The following GRIN1 variants were observed in gnomAD, a reference collection of about 807,000 sequenced individuals.
GRIN1 encodes glutamate ionotropic receptor NMDA type subunit 1.
Under a neutral mutation model 103.0 loss-of-function variants are expected in GRIN1, and 38 were observed. That is an observed-to-expected ratio of 0.37 (90% CI 0.28 to 0.48). The LOEUF is 0.48. GRIN1 is among the 20% of genes least tolerant of loss of function. The pLI is 0.98. For synonymous variants in GRIN1, 544 were observed against 532.7 expected, an observed-to-expected ratio of 1.02 and a Z score of -0.29; for missense variants, 577 against 1,288.9, an observed-to-expected ratio of 0.45 and a Z score of 8.46.
intron 1 of GRIN1, among the ~76,000 whole-genome samples, chr9:137,141,670 T>C (rs1317355894): frequency 1.3e-5 from 2 of 152,124 alleles, no homozygotes; most frequent in Non-Finnish European, 2.9e-5. Context: ...AAGGCCATCA[T>C]GATGCAGGAC....
Position 137,163,018 on chromosome 9 carries a change from G to T in GRIN1, c.2171+15G>T. 6.4e-7 allele frequency: 1 copy of T among 1,574,004 alleles called. No homozygotes were observed. The highest frequency in any genetic ancestry group is 8.6e-7 in the Non-Finnish European group (1 of 1,161,570). On this transcript the variant is annotated intron_variant, in intron 15 of 19. Transcript: ENST00000371561. ...GTGAGAGACAAGTGAGGCGCGGGCG[G>T]CCACCCTGGCGGGGCGGGACAGGTG... is the stretch of plus-strand genomic sequence containing the variant.
Position 137,168,408 on chromosome 9 carries a change from C to G in GRIN1, c.*881C>G. The G allele has an allele frequency of 5.1e-6, 1 of 195,228 alleles. No individual in the cohort carries two copies. The highest frequency in any genetic ancestry group is 1.0e-5 in the Non-Finnish European group (1 of 97,610). 12.1% of individuals were successfully genotyped at this position (195,228 alleles called of 1,614,324 possible). ...GGCAGCGCCTCCCGCCGCCTCGGGC[C>G]GCCTCCTCCAGACTCGAGAGGGCTG... On this transcript the variant is annotated 3_prime_UTR_variant, in exon 20 of 20. Transcript: ENST00000371561.
At chr9:137,160,659 T>G (rs901726388) in intron 8 of GRIN1, among the ~76,000 whole-genome samples, 4 of 152,226 alleles carry the variant, frequency 2.6e-5, no homozygotes, top group Non-Finnish European at 4.4e-5. Context: ...CTCGATCTCC[T>G]GACCTCGTGA....
At chr9:137,141,496 C>A (rs1832159768) in intron 1 of GRIN1, among the ~76,000 whole-genome samples, 3 of 152,232 alleles carry the variant, frequency 2.0e-5, no homozygotes, top group Admixed American at 1.3e-4. Context: ...GTCACAGGCC[C>A]TGCCCCTGGA....
Position 137,161,985 on chromosome 9 carries a change from C to T in GRIN1, c.1529C>T (p.Ala510Val). 1 of 1,562,616 alleles carries T rather than the reference C, an allele frequency of 6.4e-7. No homozygotes were observed. Among genetic ancestry groups the T allele is most frequent in the Non-Finnish European group, 8.7e-7 (1 of 1,153,628 alleles). ...ATGGGCGAGCTGCTCAGCGGGCAGG[C>T]AGACATGATCGTGGCGCCGCTAACC... is the stretch of plus-strand genomic sequence containing the variant. The part of the protein sequence containing the change: ...GMMGELLSGQ[A>V]DMIVAPLTIN... Residue 510 changes from alanine (A) to valine (V), a missense_variant, in exon 11 of 20, where the codon GCA (alanine) becomes GTA (valine). Around this residue, in one of 9 missense-constraint regions of GRIN1, gnomAD observed 96 missense variants for 145.0 expected, o/e 0.66. Coordinates refer to ENST00000371561, the MANE Select transcript of GRIN1 (RefSeq NM_007327.4).
chr9:137,163,291 A>G lies in GRIN1; in HGVS notation c.2294A>G (p.Asp765Gly), dbSNP rs1262199995. ...RSGFGIGMRK[D>G]SPWKQNVSLS... ...GGCTTCGGCATAGGCATGCGCAAAG[A>G]CAGCCCCTGGAAGCAGAACGTCTCC... The change falls in exon 16 of 20, where the codon GAC becomes GGC. Residue 765 changes from aspartate to glycine, a missense_variant. Transcript: ENST00000371561. The G allele has an allele frequency of 6.2e-7, 1 of 1,613,746 alleles. No individual in the cohort carries two copies. The highest frequency in any genetic ancestry group is 8.5e-7 in the Non-Finnish European group (1 of 1,179,944).
At chr9:137,160,592 G>C (rs1158363492) in intron 8 of GRIN1, among the ~76,000 whole-genome samples, 1 of 152,166 alleles carries the variant, frequency 6.6e-6, no homozygotes, top group African/African-American at 2.4e-5. Flanking sequence ...ACCACGCCCG[G>C]CTAATTTTTT....
intron 3 of GRIN1, chr9:137,148,263 C>T (rs545845123): frequency 6.3e-6 from 8 of 1,267,902 alleles, no homozygotes; most frequent in Non-Finnish European, 8.9e-6. Context: ...GAGCCCTGGC[C>T]TCGGCGCCTC....
chr9:137,161,513 G>T (rs954674391), intron 10 of GRIN1, 97 bp downstream of exon 10: 24 of 1,172,818 alleles, frequency 2.0e-5, no homozygotes, highest in African/African-American at 7.6e-5. Flanking sequence ...TGCAGATGGT[G>T]GGGGGTCCTG....
At position 137,168,146 on chromosome 9, in the gene GRIN1, G is replaced by A; in HGVS notation, c.*619G>A. On this transcript the variant is annotated 3_prime_UTR_variant, in exon 20 of 20. Transcript: ENST00000371561. ...GGGGGCTAACTGGCCCCAGGCGGAGGGGCTTGGAGCAGAGACGGCAGCCCC... is the reference window on the plus strand; with the variant it reads ...GGGGGCTAACTGGCCCCAGGCGGAGAGGCTTGGAGCAGAGACGGCAGCCCC... The A allele has an allele frequency of 5.9e-6, 3 of 512,248 alleles. No homozygotes were observed. Among genetic ancestry groups the A allele is most frequent in the South Asian group, 4.4e-5 (2 of 45,484 alleles). 31.7% of individuals were successfully genotyped at this position (512,248 alleles called of 1,614,324 possible). A position where few individuals can be genotyped will look rare whatever the true frequency, so the allele number is the denominator to read the frequency against.
chr9:137,167,528 G>A lies in GRIN1; in HGVS notation c.*1G>A, dbSNP rs1446714813. On this transcript the variant is annotated 3_prime_UTR_variant, in exon 20 of 20. Coordinates refer to ENST00000371561, the MANE Select transcript of GRIN1 (RefSeq NM_007327.4). Reference sequence around the variant, plus strand: ...GTGTTCCCGTCATAGGGAGAGCTGAGACTCCCCGCCCGCCCTCCTCTGCCC... The same window carrying A: ...GTGTTCCCGTCATAGGGAGAGCTGAAACTCCCCGCCCGCCCTCCTCTGCCC... 2 of 1,548,766 alleles carry A rather than the reference G, an allele frequency of 1.3e-6. No homozygotes were observed. The highest frequency in any genetic ancestry group is 2.4e-5 in the South Asian group (2 of 84,252).
At chr9:137,142,222 G>A in intron 2 of GRIN1, 75 bp downstream of exon 2, 1 of 1,493,492 alleles carries the variant, frequency 6.7e-7, no homozygotes, top group Non-Finnish European at 9.3e-7. Context: ...GGAGCAGCGG[G>A]CCGACCCGCT....
intron 4 of GRIN1, among the ~76,000 whole-genome samples, chr9:137,154,709 C>T (rs1282579617): frequency 6.6e-6 from 1 of 152,086 alleles, no homozygotes; most frequent in Non-Finnish European, 1.5e-5. Flanking sequence ...GCCTCGGCCT[C>T]CCAAAGTGCT....
chr9:137,145,830 G>A lies in GRIN1; in HGVS notation c.498G>A (p.Leu166=). ...ACAGCTGGAACCACATCATCCTGCT[G>A]GTCAGCGACGACCACGAGGGCCGGG... ...RVYSWNHIIL[L]VSDDHEGRAA... The change falls in exon 3 of 20, where the codon CTG becomes CTA. Residue 166 remains leucine (L), a synonymous_variant. Transcript: ENST00000371561. The A allele has an allele frequency of 6.2e-7, 1 of 1,612,744 alleles. No homozygotes were observed. The highest frequency in any genetic ancestry group is 8.5e-7 in the Non-Finnish European group (1 of 1,179,332).
rs1036831668 is a variant in GRIN1 at position 137,145,899 on chromosome 9, C to G, written c.567C>G (p.Ser189=). 4 of 1,601,072 alleles carry G rather than the reference C, an allele frequency of 2.5e-6. No homozygotes were observed. Among genetic ancestry groups the G allele is most frequent in the South Asian group, 1.1e-5 (1 of 89,218 alleles). ...RLETLLEERE[S]KAEKVLQFDP... ...AGACGCTGCTGGAGGAGCGTGAGTC[C>G]AAGGTGAGGGTCGGCGCCGCGGGTG... The change falls in exon 3 of 20, where the codon TCC becomes TCG. Residue 189 remains serine (S), a synonymous_variant. Coordinates refer to ENST00000371561, the MANE Select transcript of GRIN1 (RefSeq NM_007327.4).
chr9:137,152,465 C>G (rs980049948), intron 4 of GRIN1, among the ~76,000 whole-genome samples: 4 of 152,180 alleles, frequency 2.6e-5, no homozygotes, highest in Admixed American at 6.5e-5. Flanking sequence ...CTGCCTGATC[C>G]CTACATTCTA....
rs1833957759 is a variant in GRIN1 at position 137,167,716 on chromosome 9, G to A, written c.*189G>A. The A allele has an allele frequency of 3.1e-6, 5 of 1,607,760 alleles. No individual in the cohort carries two copies. Among genetic ancestry groups the A allele is most frequent in the African/African-American group, 1.3e-5 (1 of 74,634 alleles). On this transcript the variant is annotated 3_prime_UTR_variant, in exon 20 of 20. Transcript: ENST00000371561. ...GGCCGGTCCACCCCGTCCCGGCCCC[G>A]CGCGTGCCCCCAGCGTGGGGCTAAC...
chr9:137,165,417 C>T (rs1833815406), intron 19 of GRIN1, 121 bp downstream of exon 19: 1 of 727,830 alleles, frequency 1.4e-6, no homozygotes, highest in South Asian at 1.4e-5. Flanking sequence ...CCCCTGTCTC[C>T]CTGTGGCGGC....
chr9:137,159,744 A>G (rs1833429244), intron 8 of GRIN1, among the ~76,000 whole-genome samples: 2 of 152,246 alleles, frequency 1.3e-5, no homozygotes, highest in South Asian at 2.1e-4. Flanking sequence ...AGTTTTATAA[A>G]GCAAATCAAC....
Sources: allele counts gnomAD v4.1 joint callset (sites outside exome capture counted in the v4.1 genomes callset), GRCh38; gene constraint gnomAD v4.1.1; regional missense constraint gnomAD v4.1.1; transcripts MANE v1.5; gene names NCBI Gene and HGNC (gene_info 2026-07-23, HGNC 2026-07-21).